Variants in IL31RA observed in about 807,000 individuals in gnomAD.
IL31RA encodes interleukin-31 receptor subunit alpha.
IL31RA carries 66 observed loss-of-function variants against 83.7 expected under a neutral mutation model. That is an observed-to-expected ratio of 0.79 (90% CI 0.65 to 0.97). The LOEUF is 0.97. IL31RA is among the 50% of genes least tolerant of loss of function. IL31RA has a pLI of 0.00. For missense variants in IL31RA, 798 were observed against 919.4 expected, an observed-to-expected ratio of 0.87 and a Z score of 1.71; for synonymous variants, 325 against 329.0, an observed-to-expected ratio of 0.99 and a Z score of 0.13.
chr5:55,865,463 A>G (rs1207454600), intron 2 of IL31RA, among the ~76,000 whole-genome samples: 5 of 152,182 alleles, frequency 3.3e-5, no homozygotes, highest in Admixed American at 3.3e-4. Context: ...ACCCATGTAG[A>G]CAATGCTCAG....
intron 11 of IL31RA, chr5:55,908,620 TGA>T: frequency 6.5e-7 from 1 of 1,549,510 alleles, no homozygotes; most frequent in Non-Finnish European, 8.7e-7. Flanking sequence ...TGACAGTACC[TGA>T]GAGGAGAGTC....
the IL31RA span, chr5:55,839,931 C>A: frequency 3.0e-6 from 2 of 676,580 alleles, no homozygotes; most frequent in South Asian, 3.3e-5. Flanking sequence ...ATTTTGCAGT[C>A]AGAAGAAACG....
chr5:55,843,589 A>G, the IL31RA span, among the ~76,000 whole-genome samples: 1 of 152,012 alleles, frequency 6.6e-6, no homozygotes, highest in African/African-American at 2.4e-5. Context: ...ATCATAGTGG[A>G]TTCTTCTATT....
rs78953296 is a variant in IL31RA, at chr5:55,880,647, G to C, written c.455-2397G>C. Among the ~76,000 whole-genome samples the C allele has an allele frequency of 2.8e-3, 421 of 152,254 alleles. 1 individual carries two copies. The highest frequency in any genetic ancestry group is 9.9e-3 in the African/African-American group (410 of 41,542). On this transcript the variant is annotated intron_variant, in intron 4 of 14. Transcript: ENST00000652347. ...CTGTGTGACAGCAGCCCTAAACATG[G>C]TCATGCCCTTTTACCCAGTCAGCCT...
At chr5:55,905,223 AAGAAAG>A (rs1167351361) in intron 8 of IL31RA, among the ~76,000 whole-genome samples, 1 of 151,646 alleles carries the variant, frequency 6.6e-6, no homozygotes, top group Non-Finnish European at 1.5e-5. Flanking sequence ...AAAAGAAAGA[AAGAAAG>A]AAAAAGAAAA....
At chr5:55,849,098 A>G (rs533124018), upstream of IL31RA, among the ~76,000 whole-genome samples, 105 of 152,316 alleles carry the variant, frequency 6.9e-4, no homozygotes, top group African/African-American at 2.5e-3. Context: ...ATACATATAC[A>G]TAGTTTAAAC....
chr5:55,897,015 A>ATTTTTTT (rs1178147444), intron 7 of IL31RA, among the ~76,000 whole-genome samples: 1 of 844 alleles, frequency 1.2e-3, no homozygotes, highest in African/African-American at 0.011. Context: ...ATATATATAT[A>ATTTTTTT]TTTTTTTTTT....
At chr5:55,905,358 A>C (rs1298519271) in intron 8 of IL31RA, among the ~76,000 whole-genome samples, 1 of 152,094 alleles carries the variant, frequency 6.6e-6, no homozygotes, top group Non-Finnish European at 1.5e-5. Flanking sequence ...TGTACCTTCC[A>C]CCTCTGCCTT....
chr5:55,884,228 C>T (rs1246206012), intron 5 of IL31RA, among the ~76,000 whole-genome samples: 1 of 152,170 alleles, frequency 6.6e-6, no homozygotes, highest in Non-Finnish European at 1.5e-5. Context: ...CACTATGTGG[C>T]ATGACGTTTC....
rs1032939509 is a variant in IL31RA, at chr5:55,854,102, T to C, written c.63+2469T>C. Among the ~76,000 whole-genome samples the C allele has an allele frequency of 1.4e-4, 22 of 152,326 alleles. No individual in the cohort carries two copies. In the East Asian group the frequency reaches 4.0e-3, roughly 28 times the overall value. ...ATGAGTAATACAAACCCTACACGGA[T>C]TTTTAGAAGTACAGGATGTAATTTG... On this transcript the variant is annotated intron_variant, in intron 1 of 14. Transcript: ENST00000652347.
chr5:55,856,163 C>G (rs1289055590), intron 1 of IL31RA, among the ~76,000 whole-genome samples: 1 of 152,206 alleles, frequency 6.6e-6, no homozygotes, highest in African/African-American at 2.4e-5. Flanking sequence ...TCCCAAAGTG[C>G]TGGGATTACA....
rs1054127950 is a variant in IL31RA, at chr5:55,920,635, G to C, written c.*3515G>C. On this transcript the variant is annotated 3_prime_UTR_variant, in exon 15 of 15. Coordinates refer to ENST00000652347, the MANE Select transcript of IL31RA (RefSeq NM_139017.7). ...CCCTTTGCAGAAAAAATTTGTGGACGCCTACCATAACCCACAGACATGAAA... is the reference window on the plus strand; with the variant it reads ...CCCTTTGCAGAAAAAATTTGTGGACCCCTACCATAACCCACAGACATGAAA... Among the ~76,000 whole-genome samples the C allele has an allele frequency of 6.6e-6, 1 of 152,152 alleles. No individual in the cohort carries two copies. Among genetic ancestry groups the C allele is most frequent in the Admixed American group, 6.5e-5 (1 of 15,280 alleles).
intron 4 of IL31RA, among the ~76,000 whole-genome samples, chr5:55,881,768 C>T (rs1747254069): frequency 7.8e-6 from 1 of 127,402 alleles, no homozygotes; most frequent in Admixed American, 9.5e-5. Flanking sequence ...CACTGTGTCG[C>T]CCAGGCTGGA....
At chr5:55,884,935 T>C (rs1363944994) in intron 5 of IL31RA, among the ~76,000 whole-genome samples, 3 of 152,168 alleles carry the variant, frequency 2.0e-5, no homozygotes. Context: ...CCAAAACTTA[T>C]GATTAACTTT....
At chr5:55,846,325 A>G in the IL31RA span, among the ~76,000 whole-genome samples, 8 of 152,242 alleles carry the variant, frequency 5.3e-5, no homozygotes, top group Non-Finnish European at 7.3e-5. Flanking sequence ...TGAAGGCATA[A>G]TGATTTCTTA....
intron 14 of IL31RA, 27 bp from the exon 15 acceptor site, chr5:55,916,617 C>G: frequency 6.2e-7 from 1 of 1,601,994 alleles, no homozygotes. Flanking sequence ...TAAATGACCA[C>G]TTGGGATGTC....
intron 12 of IL31RA, among the ~76,000 whole-genome samples, chr5:55,912,703 A>T (rs554785442): frequency 6.6e-6 from 1 of 152,336 alleles, no homozygotes; most frequent in Admixed American, 6.5e-5. Context: ...TGGCTGGGGC[A>T]GGAGAATCAC....
At chr5:55,871,518 C>T (rs1249190021) in intron 3 of IL31RA, among the ~76,000 whole-genome samples, 1 of 146,404 alleles carries the variant, frequency 6.8e-6, no homozygotes, top group Non-Finnish European at 1.5e-5. Context: ...TAAGTTACAG[C>T]TTGGTAGTAT....
rs56052025 is a variant in IL31RA, at chr5:55,922,054, C to CG, written c.*4946dup. On this transcript the variant is annotated 3_prime_UTR_variant, in exon 15 of 15. Coordinates refer to ENST00000652347, the MANE Select transcript of IL31RA (RefSeq NM_139017.7). ...AGTGTCTTGCACTCTTATGTTGTGG[C>CG]GGGGGGGGGGGGCGGTTCCTGAAGA... Among the ~76,000 whole-genome samples the CG allele has an allele frequency of 0.081, 5,643 of 69,556 alleles. 686 individuals are homozygous for CG. Among genetic ancestry groups the CG allele is most frequent in the East Asian group, 0.14 (311 of 2,218 alleles). The allele number at this position is 69,556 out of a possible 152,430, so 45.6% of individuals were successfully genotyped here. A position where few individuals can be genotyped will look rare whatever the true frequency, so the allele number is the denominator to read the frequency against.
Sources: allele counts gnomAD v4.1 joint callset (sites outside exome capture counted in the v4.1 genomes callset), GRCh38; gene constraint gnomAD v4.1.1; transcripts MANE v1.5; gene names NCBI Gene and HGNC (gene_info 2026-07-23, HGNC 2026-07-21).